The following SCAPER variants were observed in gnomAD, a reference collection of about 807,000 sequenced individuals.
SCAPER encodes the protein S phase cyclin A-associated protein in the endoplasmic reticulum.
A neutral mutation model predicts 182.2 loss-of-function variants in SCAPER; 98 were observed. That is an observed-to-expected ratio of 0.54 (90% CI 0.46 to 0.64). The LOEUF is 0.64. Among genes scored for constraint, SCAPER ranks in the 30% least tolerant of loss-of-function variants. The probability of loss-of-function intolerance (pLI) is 0.00; values close to 1 mark genes in which losing one functional copy is unlikely to be tolerated. For missense variants in SCAPER, 1,432 were observed against 1,690.0 expected, an observed-to-expected ratio of 0.85 and a Z score of 2.68; for synonymous variants, 605 against 564.6, an observed-to-expected ratio of 1.07 and a Z score of -1.01.
At chr15:76,443,235 C>T (rs1032612787) in intron 25 of SCAPER, among the ~76,000 whole-genome samples, 5 of 152,166 alleles carry the variant, frequency 3.3e-5, no homozygotes, top group Admixed American at 6.5e-5. Context: ...AAAAACTATG[C>T]ATGGATTTCA....
chr15:76,524,741 A>T (rs1242937860), intron 23 of SCAPER, among the ~76,000 whole-genome samples: 1 of 138,434 alleles, frequency 7.2e-6, no homozygotes, highest in Non-Finnish European at 1.5e-5. Flanking sequence ...AGACTTACCA[A>T]TACGTAAGAG....
Position 76,711,163 on chromosome 15 carries a change from G to A in SCAPER, c.2166-5179C>T, listed in dbSNP as rs186829072. 3.4e-3 allele frequency among the ~76,000 whole-genome samples: 514 copies of A among 152,132 alleles called. 5 individuals carry two copies. The highest frequency in any genetic ancestry group is 0.011 in the African/African-American group (476 of 41,524). ...TGTTAGGCAACAATTTCTTAGATAT[G>A]AAAACCATTGTATATAAAATGAAAA... On this transcript the variant is annotated intron_variant, in intron 17 of 31. Coordinates refer to ENST00000563290, the MANE Select transcript of SCAPER (RefSeq NM_020843.4).
At chr15:76,659,948 T>C (rs777495030) in intron 21 of SCAPER, among the ~76,000 whole-genome samples, 2 of 152,218 alleles carry the variant, frequency 1.3e-5, no homozygotes, top group Non-Finnish European at 2.9e-5. Flanking sequence ...TATGTCTGTG[T>C]TCATTGCAGC....
chr15:76,598,409 T>G (rs1326796818), intron 22 of SCAPER, among the ~76,000 whole-genome samples: 1 of 121,290 alleles, frequency 8.2e-6, no homozygotes, highest in East Asian at 2.2e-4. Context: ...CTCAAAGATG[T>G]AGAACTAGAA....
chr15:76,743,757 T>TG (rs1237815568), intron 15 of SCAPER, among the ~76,000 whole-genome samples: 1 of 152,150 alleles, frequency 6.6e-6, no homozygotes, highest in Non-Finnish European at 1.5e-5. Context: ...AAACCACCAG[T>TG]GGCATTCTTC....
chr15:76,894,009 G>C (rs1033002567), intron 1 of SCAPER, among the ~76,000 whole-genome samples: 3 of 152,202 alleles, frequency 2.0e-5, no homozygotes, highest in Admixed American at 6.5e-5. Context: ...CCAGCCCTTT[G>C]GGAGGCCGAG....
intron 17 of SCAPER, among the ~76,000 whole-genome samples, chr15:76,708,796 T>C (rs1222000557): frequency 1.3e-5 from 2 of 152,156 alleles, no homozygotes; most frequent in East Asian, 3.9e-4. Flanking sequence ...CTGGGCACGA[T>C]GACTCACACC....
At chr15:76,371,218 C>T (rs552921323) in intron 29 of SCAPER, among the ~76,000 whole-genome samples, 1 of 152,190 alleles carries the variant, frequency 6.6e-6, no homozygotes, top group South Asian at 2.1e-4. Flanking sequence ...TACAGCCTCA[C>T]TAAAGTGCTA....
intron 25 of SCAPER, among the ~76,000 whole-genome samples, chr15:76,469,997 A>AT (rs2050011077): frequency 6.6e-6 from 1 of 152,092 alleles, no homozygotes; most frequent in Non-Finnish European, 1.5e-5. Flanking sequence ...CATCACTATA[A>AT]AAAGCCATTG....
intron 1 of SCAPER, among the ~76,000 whole-genome samples, chr15:76,903,584 C>T (rs1031637585): frequency 6.6e-6 from 1 of 152,198 alleles, no homozygotes; most frequent in Admixed American, 6.5e-5. Context: ...TCACCAAACA[C>T]TGAATCATCA....
chr15:76,468,241 C>T (rs1245459765), intron 25 of SCAPER, among the ~76,000 whole-genome samples: 1 of 151,902 alleles, frequency 6.6e-6, no homozygotes, highest in African/African-American at 2.4e-5. Flanking sequence ...AACCCAGTTA[C>T]AGCAACAGTA....
At chr15:76,532,620 A>C (rs1441082161) in intron 23 of SCAPER, among the ~76,000 whole-genome samples, 1 of 152,192 alleles carries the variant, frequency 6.6e-6, no homozygotes, top group African/African-American at 2.4e-5. Flanking sequence ...CTGAGGGCCT[A>C]TATTTCTCAC....
rs1567224155 is a variant in SCAPER, at chr15:76,478,371, GTTATT to G, written c.2955-7041_2955-7037del. On this transcript the variant is annotated intron_variant, in intron 24 of 31. Coordinates refer to ENST00000563290, the MANE Select transcript of SCAPER (RefSeq NM_020843.4). ...AACTTTTATCTTCCATTTTGCTTAT[GTTATT>G]TTAAAGTTTTTAAAAATATATTGAG... Among the ~76,000 whole-genome samples the G allele has an allele frequency of 2.0e-5, 3 of 151,932 alleles. No homozygotes were observed. In the East Asian group the frequency reaches 5.8e-4, roughly 29 times the overall value.
intron 18 of SCAPER, among the ~76,000 whole-genome samples, chr15:76,705,230 G>A (rs549456054): frequency 6.6e-6 from 1 of 152,010 alleles, no homozygotes; most frequent in Non-Finnish European, 1.5e-5. Context: ...AAAAAATGAT[G>A]AGTTCATGTC....
intron 8 of SCAPER, among the ~76,000 whole-genome samples, chr15:76,779,395 A>G (rs537440828): frequency 1.3e-5 from 2 of 152,322 alleles, no homozygotes; most frequent in East Asian, 1.9e-4. Context: ...CATTAAAAGT[A>G]TAAGAAAGGA....
chr15:76,844,926 G>T (rs896828680), intron 4 of SCAPER, among the ~76,000 whole-genome samples: 2 of 151,876 alleles, frequency 1.3e-5, no homozygotes, highest in African/African-American at 2.4e-5. Context: ...AAAAATACAG[G>T]CCACTATCTT....
chr15:76,502,910 G>A (rs1374388311), intron 24 of SCAPER, among the ~76,000 whole-genome samples: 13 of 152,104 alleles, frequency 8.5e-5, no homozygotes, highest in Admixed American at 6.5e-4. Flanking sequence ...AACTGTGGAC[G>A]CCTCTTCCAT....
At chr15:76,578,301 AAGCCTG>A (rs1385081524) in intron 22 of SCAPER, among the ~76,000 whole-genome samples, 1 of 152,134 alleles carries the variant, frequency 6.6e-6, no homozygotes, top group Non-Finnish European at 1.5e-5. Flanking sequence ...GGAAATACAT[AAGCCTG>A]GCGGGTTTTG....
chr15:76,637,030 T>C (rs1052602024), intron 21 of SCAPER, among the ~76,000 whole-genome samples: 2 of 152,094 alleles, frequency 1.3e-5, no homozygotes, highest in Non-Finnish European at 2.9e-5. Flanking sequence ...ATATAATCCA[T>C]CCATTTAAAA....
Sources: allele counts gnomAD v4.1 joint callset (sites outside exome capture counted in the v4.1 genomes callset), GRCh38; gene constraint gnomAD v4.1.1; transcripts MANE v1.5; gene names NCBI Gene and HGNC (gene_info 2026-07-23, HGNC 2026-07-21).